The following MCC variants were observed in gnomAD, a reference collection of about 807,000 sequenced individuals.
MCC encodes MCC regulator of Wnt signaling pathway, also known as colorectal mutant cancer protein.
In MCC, 90 loss-of-function variants were observed where a neutral mutation model predicts 116.2. The ratio of observed to expected loss-of-function variants is 0.77; its 90% CI spans 0.65 to 0.92. The LOEUF is 0.92. Among genes scored for constraint, MCC ranks in the 40% least tolerant of loss-of-function variants. MCC has a pLI of 0.00. For missense variants in MCC, 1,516 were observed against 1,312.2 expected (o/e 1.16, Z -2.40); for synonymous variants, 578 against 510.5 (o/e 1.13, Z -1.78).
Position 113,351,342 on chromosome 5 carries a change from C to T in MCC, c.416-10612G>A, listed in dbSNP as rs943250729. Among the ~76,000 whole-genome samples the T allele has an allele frequency of 8.0e-4, 121 of 152,024 alleles. 10 individuals are homozygous for T. The highest frequency in any genetic ancestry group is 6.6e-5 in the Admixed American group (1 of 15,242). On this transcript the variant is annotated intron_variant, in intron 2 of 18. Transcript: ENST00000408903. ...GAACATGGTACATAAATACAATGTA[C>T]ATTTTTTATTCAGCCATAAAAAAGA...
intron 3 of MCC, among the ~76,000 whole-genome samples, chr5:113,213,261 C>A (rs1041914865): frequency 6.6e-6 from 1 of 152,118 alleles, no homozygotes; most frequent in Non-Finnish European, 1.5e-5. Context: ...CAATCAGAGG[C>A]CTCGAGGAAC....
intron 3 of MCC, among the ~76,000 whole-genome samples, chr5:113,183,943 C>G (rs183297141): frequency 6.8e-6 from 1 of 146,126 alleles, no homozygotes; most frequent in Admixed American, 6.9e-5. Context: ...TGCAATTTTT[C>G]GGTTGTGCAA....
chr5:113,433,993 CCA>C (rs1561569630), intron 1 of MCC: 2 of 1,614,022 alleles, frequency 1.2e-6, no homozygotes, highest in Non-Finnish European at 1.7e-6. Flanking sequence ...TTGTTGATGG[CCA>C]CAGAGGGAGA....
intron 3 of MCC, among the ~76,000 whole-genome samples, chr5:113,290,638 T>C (rs1042689778): frequency 6.6e-6 from 1 of 152,158 alleles, no homozygotes; most frequent in African/African-American, 2.4e-5. Context: ...AACTACATAC[T>C]GGCCCCACAA....
chr5:113,149,586 T>G (rs1759729557), intron 4 of MCC, among the ~76,000 whole-genome samples: 1 of 152,070 alleles, frequency 6.6e-6, no homozygotes, highest in African/African-American at 2.4e-5. Context: ...TTCCCTCTAC[T>G]CAAGCAGTCT....
chr5:113,431,996 C>A (rs1396957016), intron 1 of MCC, among the ~76,000 whole-genome samples: 1 of 152,104 alleles, frequency 6.6e-6, no homozygotes, highest in African/African-American at 2.4e-5. Flanking sequence ...ATTAGCTGGG[C>A]ATGGTGGCAC....
At chr5:113,141,298 C>A (rs1458688054) in intron 5 of MCC, among the ~76,000 whole-genome samples, 1 of 152,226 alleles carries the variant, frequency 6.6e-6, no homozygotes. Context: ...CTTCTCTGTT[C>A]TGAGCTTTTC....
chr5:113,195,089 A>G (rs74419850), intron 3 of MCC, among the ~76,000 whole-genome samples: 2,562 of 152,332 alleles, frequency 0.017, 60 homozygotes, highest in Non-Finnish European at 0.027. Context: ...AGTGTGGACT[A>G]AATATACCAA....
intron 3 of MCC, among the ~76,000 whole-genome samples, chr5:113,264,700 T>C (rs1347228068): frequency 6.6e-6 from 1 of 152,076 alleles, no homozygotes; most frequent in African/African-American, 2.4e-5. Context: ...AAGAAGAATA[T>C]CTTATGATGT....
chr5:113,308,276 C>T (rs1767042202), intron 3 of MCC, among the ~76,000 whole-genome samples: 2 of 152,204 alleles, frequency 1.3e-5, no homozygotes. Flanking sequence ...CCTTTCTGTT[C>T]TCTGAAGTCC....
At chr5:113,464,709 A>G (rs1193084102) in intron 1 of MCC, among the ~76,000 whole-genome samples, 2 of 152,186 alleles carry the variant, frequency 1.3e-5, no homozygotes, top group African/African-American at 4.8e-5. Flanking sequence ...AGTCACTAGT[A>G]CATAGTATGC....
intron 14 of MCC, among the ~76,000 whole-genome samples, chr5:113,057,103 G>A (rs1350844399): frequency 6.6e-6 from 1 of 152,194 alleles, no homozygotes; most frequent in African/African-American, 2.4e-5. Flanking sequence ...GGCAGGGAGT[G>A]CGGCCAGCAG....
intron 14 of MCC, among the ~76,000 whole-genome samples, chr5:113,057,368 G>A (rs935322392): frequency 9.9e-5 from 15 of 152,158 alleles, no homozygotes; most frequent in African/African-American, 3.4e-4. Flanking sequence ...AGGCAGGGGT[G>A]CACCTTGGGA....
At position 113,046,710 on chromosome 5, in the gene MCC, A is replaced by AAAAAAAAAAAAAAAAAAAAAAACAG; in HGVS notation, c.2655+2382_2655+2383insCTGTTTTTTTTTTTTTTTTTTTTTT. On this transcript the variant is annotated intron_variant, in intron 16 of 18. Coordinates refer to ENST00000408903, the MANE Select transcript of MCC (RefSeq NM_001085377.2). Reference sequence around the variant, plus strand: ...CAAAAAAAAAAAAAAAAAAAAAAAAAAGAGAGAGATTTTGAAGGTGTTTGT... The same window carrying AAAAAAAAAAAAAAAAAAAAAAACAG: ...CAAAAAAAAAAAAAAAAAAAAAAAAAAAAAAAAAAAAAAAAAAAAAAACAGAGAGAGAGATTTTGAAGGTGTTTGT... Among the ~76,000 whole-genome samples the AAAAAAAAAAAAAAAAAAAAAAACAG allele has an allele frequency of 2.0e-5, 2 of 102,410 alleles. 1 individual carries two copies. Among genetic ancestry groups the AAAAAAAAAAAAAAAAAAAAAAACAG allele is most frequent in the Non-Finnish European group, 3.9e-5 (2 of 51,354 alleles). 67.2% of individuals were successfully genotyped at this position (102,410 alleles called of 152,430 possible).
chr5:113,376,088 A>T (rs1416443629), intron 2 of MCC, among the ~76,000 whole-genome samples: 3 of 152,158 alleles, frequency 2.0e-5, no homozygotes, highest in African/African-American at 7.2e-5. Flanking sequence ...GATTTAAAAT[A>T]AAAAAATTAA....
At chr5:113,291,764 A>C (rs1297166726) in intron 3 of MCC, among the ~76,000 whole-genome samples, 1 of 152,248 alleles carries the variant, frequency 6.6e-6, no homozygotes, top group Non-Finnish European at 1.5e-5. Flanking sequence ...ACTAGTGTTT[A>C]AGAGAAAAAT....
At chr5:113,424,474 G>C (rs2150408430) in intron 1 of MCC, among the ~76,000 whole-genome samples, 1 of 152,212 alleles carries the variant, frequency 6.6e-6, no homozygotes, top group East Asian at 1.9e-4. Flanking sequence ...CAGCACTTTG[G>C]GAGGCCAAGG....
At chr5:113,139,372 T>C (rs910370525) in intron 5 of MCC, among the ~76,000 whole-genome samples, 9 of 152,156 alleles carry the variant, frequency 5.9e-5, no homozygotes, top group Non-Finnish European at 1.3e-4. Context: ...AGTAACATAC[T>C]CAATCCAGAA....
Position 113,278,396 on chromosome 5 carries a change from T to C in MCC, c.627+62123A>G, listed in dbSNP as rs544827619. On this transcript the variant is annotated intron_variant, in intron 3 of 18. Transcript: ENST00000408903. ...TAGGGTCAATGGTGAATAACAGCCATTGTGGTACGAAATACCAAGTCCTCA... is the reference window on the plus strand; with the variant it reads ...TAGGGTCAATGGTGAATAACAGCCACTGTGGTACGAAATACCAAGTCCTCA... Among the ~76,000 whole-genome samples the C allele has an allele frequency of 9.0e-4, 137 of 152,296 alleles. 3 individuals are homozygous for C. In the South Asian group the frequency reaches 0.028, roughly 31 times the overall value.
Sources: gnomAD v4.1 joint callset for allele counts (sites outside exome capture counted in the v4.1 genomes callset) on GRCh38, gnomAD v4.1.1 for gene constraint, MANE v1.5 for transcripts, NCBI Gene and HGNC (gene_info 2026-07-23, HGNC 2026-07-21) for gene names.